The following DLGAP2 variants were observed in gnomAD, a reference collection of about 807,000 sequenced individuals.
DLGAP2 encodes the protein DLG associated protein 2.
In DLGAP2, 26 loss-of-function variants were observed where a neutral mutation model predicts 100.3. The observed-to-expected ratio is 0.26, with a 90% CI of 0.19 to 0.36. DLGAP2 has a LOEUF of 0.36. Ranked by LOEUF, DLGAP2 falls within the 10% of genes least tolerant of loss-of-function variation. DLGAP2 has a pLI of 1.00. For synonymous variants in DLGAP2, 886 were observed against 630.1 expected (o/e 1.41, Z -6.08); for missense variants, 1,858 against 1,453.2 (o/e 1.28, Z -4.53).
intron 2 of DLGAP2, among the ~76,000 whole-genome samples, chr8:1,230,529 A>G (rs978902966): frequency 6.6e-6 from 1 of 152,220 alleles, no homozygotes; most frequent in Non-Finnish European, 1.5e-5. Context: ...TTCATGTAGA[A>G]CCAAAAAGCT....
At chr8:1,218,042 A>G (rs1378055431) in intron 2 of DLGAP2, among the ~76,000 whole-genome samples, 1 of 152,126 alleles carries the variant, frequency 6.6e-6, no homozygotes, top group African/African-American at 2.4e-5. Context: ...CCCATTCTAT[A>G]AGTTGTCTGT....
rs950008445 is a variant in DLGAP2 at position 1,413,158 on chromosome 8, G to C, written c.107-88208G>C. Among the ~76,000 whole-genome samples the C allele has an allele frequency of 2.0e-5, 3 of 152,086 alleles. No homozygotes were observed. In the East Asian group the frequency reaches 5.8e-4, roughly 29 times the overall value. On this transcript the variant is annotated intron_variant, in intron 3 of 14. Coordinates refer to ENST00000637795, the MANE Select transcript of DLGAP2 (RefSeq NM_001346810.2). The stretch of plus-strand genomic sequence containing the variant: ...CCCTCTGTGTTTTCTACTGGACAGT[G>C]GCTCCTTCCAAGTCATGGCTTGTCT...
At chr8:811,523 G>A (rs1425909777) in intron 1 of DLGAP2, among the ~76,000 whole-genome samples, 4 of 143,686 alleles carry the variant, frequency 2.8e-5, no homozygotes, top group South Asian at 4.6e-4. Flanking sequence ...ACCAGCTTTC[G>A]GATGAAGCTC....
intron 3 of DLGAP2, among the ~76,000 whole-genome samples, chr8:1,264,437 C>T (rs921418467): frequency 1.3e-5 from 2 of 152,146 alleles, no homozygotes; most frequent in Non-Finnish European, 2.9e-5. Flanking sequence ...GGAAGCTCAT[C>T]GCACATCCAG....
intron 1 of DLGAP2, among the ~76,000 whole-genome samples, chr8:771,888 C>T (rs1179228496): frequency 1.3e-5 from 2 of 152,178 alleles, no homozygotes; most frequent in Non-Finnish European, 2.9e-5. Context: ...GAATTCTAGG[C>T]TCATCTGCAA....
At chr8:1,012,371 A>G (rs1801314389) in intron 2 of DLGAP2, among the ~76,000 whole-genome samples, 1 of 152,196 alleles carries the variant, frequency 6.6e-6, no homozygotes, top group African/African-American at 2.4e-5. Flanking sequence ...CTGTGATAGA[A>G]AGCGCCCGCG....
At chr8:1,207,653 G>T (rs187206720) in intron 2 of DLGAP2, among the ~76,000 whole-genome samples, 1 of 152,264 alleles carries the variant, frequency 6.6e-6, no homozygotes, top group Admixed American at 6.5e-5. Context: ...ACTGTTTTCC[G>T]TAGTGGTTGT....
chr8:1,062,045 G>GAAA (rs111836129), intron 2 of DLGAP2, among the ~76,000 whole-genome samples: 2 of 146,000 alleles, frequency 1.4e-5, no homozygotes, highest in African/African-American at 2.5e-5. Flanking sequence ...ACATTTATCT[G>GAAA]AAAAAAAAAA....
intron 2 of DLGAP2, among the ~76,000 whole-genome samples, chr8:1,187,026 C>A (rs185430444): frequency 1.3e-5 from 2 of 151,480 alleles, no homozygotes; most frequent in African/African-American, 4.9e-5. Flanking sequence ...AGGTGGCGGT[C>A]GTGGGCCTTT....
chr8:915,986 A>G lies in DLGAP2; in HGVS notation c.73+8020A>G, dbSNP rs542767785. The stretch of plus-strand genomic sequence containing the variant: ...GTTCACCCGTCCGTCCATCTGTCCC[A>G]GGGCGTGGTTTCTGTGTGTGTTAAC... On this transcript the variant is annotated intron_variant, in intron 2 of 14. Coordinates refer to ENST00000637795, the MANE Select transcript of DLGAP2 (RefSeq NM_001346810.2). 2.7e-5 allele frequency among the ~76,000 whole-genome samples: 4 copies of G among 149,104 alleles called. No homozygotes were observed. In the South Asian group the frequency reaches 8.5e-4, roughly 32 times the overall value.
intron 3 of DLGAP2, among the ~76,000 whole-genome samples, chr8:1,456,694 C>T (rs909608206): frequency 7.2e-6 from 1 of 138,842 alleles, no homozygotes; most frequent in African/African-American, 2.7e-5. Flanking sequence ...TGTCTAGGAT[C>T]CTTATGTGAC....
intron 2 of DLGAP2, among the ~76,000 whole-genome samples, chr8:980,886 C>A (rs1163550259): frequency 1.3e-5 from 2 of 152,122 alleles, no homozygotes; most frequent in Non-Finnish European, 2.9e-5. Flanking sequence ...GAATTCTAGA[C>A]TGAGGAGCTG....
At chr8:1,100,981 TGCAGTGATTGGGAGG>T (rs1804560003) in intron 2 of DLGAP2, among the ~76,000 whole-genome samples, 1 of 152,230 alleles carries the variant, frequency 6.6e-6, no homozygotes, top group African/African-American at 2.4e-5. Flanking sequence ...CCGCATCACC[TGCAGTGATTGGGAGG>T]ATGTGGTGAG....
chr8:1,679,196 C>G (rs1411569090), intron 12 of DLGAP2, among the ~76,000 whole-genome samples: 4 of 139,180 alleles, frequency 2.9e-5, no homozygotes, highest in African/African-American at 8.3e-5. Context: ...CATTCCTCTA[C>G]GGGAGTCACC....
intron 2 of DLGAP2, among the ~76,000 whole-genome samples, chr8:1,155,209 A>G (rs1796759260): frequency 6.6e-6 from 1 of 152,118 alleles, no homozygotes; most frequent in Admixed American, 6.5e-5. Flanking sequence ...GTTTCTAGGA[A>G]CGCTTGCTGG....
rs146149976 is a variant in DLGAP2 at position 1,543,294 on chromosome 8, C to G, written c.173-5332C>G. 7.9e-5 allele frequency among the ~76,000 whole-genome samples: 12 copies of G among 152,302 alleles called. No homozygotes were observed. In the East Asian group the frequency reaches 2.1e-3, roughly 27 times the overall value. ...GGTTCACAGTCACAAAGAAATGCAT[C>G]TATGTTTTCTACAAATAGCTTTATA... On this transcript the variant is annotated intron_variant, in intron 4 of 14. Transcript: ENST00000637795.
intron 12 of DLGAP2, among the ~76,000 whole-genome samples, chr8:1,681,839 G>C (rs6981746): frequency 6.6e-6 from 1 of 151,614 alleles, no homozygotes; most frequent in Non-Finnish European, 1.5e-5. Flanking sequence ...GAATAGTAGC[G>C]GTGACCCGGG....
intron 2 of DLGAP2, among the ~76,000 whole-genome samples, chr8:1,038,390 C>T (rs1802196034): frequency 6.6e-6 from 1 of 152,184 alleles, no homozygotes; most frequent in Non-Finnish European, 1.5e-5. Flanking sequence ...CCAACCCCAC[C>T]AGCAAATGTC....
At position 1,668,450 on chromosome 8, in the gene DLGAP2, C is replaced by A; in HGVS notation, c.1932C>A (p.Asp644Glu). ...STESTQDAYQ[D>E]SRAQRMSPWP... ...AATCCACCCAGGACGCCTACCAGGA[C>A]AGCCGCGCACAGAGGATGTCCCCGT... Residue 644 changes from aspartate to glutamate, a missense_variant, in exon 9 of 15, where the codon GAC becomes GAA. Asp to Glu is a conservative substitution (Grantham distance 45). Coordinates refer to ENST00000637795, the MANE Select transcript of DLGAP2 (RefSeq NM_001346810.2). 1 of 1,596,704 alleles carries A rather than the reference C, an allele frequency of 6.3e-7. No homozygotes were observed.
Sources: gnomAD v4.1 joint callset for allele counts (sites outside exome capture counted in the v4.1 genomes callset) on GRCh38, gnomAD v4.1.1 for gene constraint, MANE v1.5 for transcripts, NCBI Gene and HGNC (gene_info 2026-07-23, HGNC 2026-07-21) for gene names.